The following ZMAT4 variants were observed in gnomAD, a reference collection of about 807,000 sequenced individuals.
ZMAT4 encodes the protein zinc finger matrin-type 4, also known as zinc finger matrin-type protein 4.
Under a neutral mutation model 28.7 loss-of-function variants are expected in ZMAT4, and 17 were observed. The observed-to-expected ratio is 0.59, with a 90% confidence interval of 0.41 to 0.89. The LOEUF (loss-of-function observed/expected upper bound fraction) is 0.89, where lower values mean the gene tolerates loss of function less well. Ranked by LOEUF, ZMAT4 falls within the 40% of genes least tolerant of loss-of-function variation. The probability of loss-of-function intolerance (pLI) is 0.00; values close to 1 mark genes in which losing one functional copy is unlikely to be tolerated. For missense variants in ZMAT4, 240 were observed against 283.8 expected, an observed-to-expected ratio of 0.85 and a Z score of 1.11; for synonymous variants, 117 against 109.2, an observed-to-expected ratio of 1.07 and a Z score of -0.44.
chr8:40,533,997 T>C (rs573373004), intron 6 of ZMAT4, among the ~76,000 whole-genome samples: 1 of 152,268 alleles, frequency 6.6e-6, no homozygotes, highest in South Asian at 2.1e-4. Flanking sequence ...GACAGCATCT[T>C]CACGTAACAG....
chr8:40,779,951 G>A (rs993408552), intron 2 of ZMAT4, among the ~76,000 whole-genome samples: 6 of 152,246 alleles, frequency 3.9e-5, no homozygotes, highest in Admixed American at 2.0e-4. Flanking sequence ...TTTGGCAGGG[G>A]CACTGCTCTA....
chr8:40,720,264 T>G (rs141443833), intron 3 of ZMAT4, among the ~76,000 whole-genome samples: 233 of 152,272 alleles, frequency 1.5e-3, no homozygotes, highest in African/African-American at 5.5e-3. Flanking sequence ...TATTATTGAG[T>G]ATGAATGTAA....
intron 6 of ZMAT4, among the ~76,000 whole-genome samples, chr8:40,545,582 A>G (rs1298808755): frequency 6.6e-6 from 1 of 152,136 alleles, no homozygotes; most frequent in Non-Finnish European, 1.5e-5. Context: ...AAAAGGACAA[A>G]TTTGGGCATA....
intron 5 of ZMAT4, among the ~76,000 whole-genome samples, chr8:40,646,915 A>T (rs1332268903): frequency 6.6e-6 from 1 of 152,258 alleles, no homozygotes; most frequent in Non-Finnish European, 1.5e-5. Context: ...TCTCAAGTGC[A>T]CATGAATCAT....
chr8:40,670,816 C>T (rs1808633696), intron 5 of ZMAT4, among the ~76,000 whole-genome samples: 1 of 151,742 alleles, frequency 6.6e-6, no homozygotes, highest in Admixed American at 6.6e-5. Flanking sequence ...CACCTGTAAT[C>T]CCAGCACTTT....
chr8:40,655,228 TAA>T lies in ZMAT4; in HGVS notation c.577+19474_577+19475del, dbSNP rs558071587. Among the ~76,000 whole-genome samples the T allele has an allele frequency of 2.3e-3, 346 of 152,184 alleles. 2 individuals are homozygous for T. The highest frequency in any genetic ancestry group is 8.1e-3 in the African/African-American group (335 of 41,536). ...GATAACAATTCCACTTGCAATTGTG[TAA>T]AAAAATTAGGAATAAGTTTAACAAA... is the stretch of plus-strand genomic sequence containing the variant. On this transcript the variant is annotated intron_variant, in intron 5 of 6. Coordinates refer to ENST00000297737, the MANE Select transcript of ZMAT4 (RefSeq NM_024645.3).
At chr8:40,693,894 C>T (rs1290267558) in intron 4 of ZMAT4, among the ~76,000 whole-genome samples, 1 of 152,202 alleles carries the variant, frequency 6.6e-6, no homozygotes, top group Non-Finnish European at 1.5e-5. Context: ...CCCAACTGCT[C>T]ACCCTCATCA....
chr8:40,585,645 G>C (rs549603136), intron 5 of ZMAT4, among the ~76,000 whole-genome samples: 1 of 152,184 alleles, frequency 6.6e-6, no homozygotes, highest in East Asian at 1.9e-4. Context: ...ATTTCACAGG[G>C]ATTCATGATT....
At position 40,622,964 on chromosome 8, in the gene ZMAT4, G is replaced by T. The variant is rs75336408; in HGVS notation, c.578-41703C>A. ...TCAGGAATTTAAGGCCAACTCAAGT[G>T]TTGTGAGTCCAAAAGGTTAGATAGT... On this transcript the variant is annotated intron_variant, in intron 5 of 6. Transcript: ENST00000297737. 8.7e-4 allele frequency among the ~76,000 whole-genome samples: 133 copies of T among 152,304 alleles called. 1 individual carries two copies. In the East Asian group the frequency reaches 0.02, roughly 23 times the overall value.
chr8:40,735,451 TAGTC>T (rs1811722893), intron 3 of ZMAT4, among the ~76,000 whole-genome samples: 1 of 152,200 alleles, frequency 6.6e-6, no homozygotes, highest in Admixed American at 6.5e-5. Flanking sequence ...CATAGAGTCA[TAGTC>T]AGTTATCTGA....
At chr8:40,840,121 A>C (rs1245188078) in intron 1 of ZMAT4, among the ~76,000 whole-genome samples, 1 of 152,198 alleles carries the variant, frequency 6.6e-6, no homozygotes, top group Non-Finnish European at 1.5e-5. Flanking sequence ...TGCCCTTTCA[A>C]GGAAGAAATG....
At chr8:40,635,045 G>T (rs1175985936) in intron 5 of ZMAT4, among the ~76,000 whole-genome samples, 2 of 152,028 alleles carry the variant, frequency 1.3e-5, no homozygotes, top group African/African-American at 4.8e-5. Flanking sequence ...CTTTTTAAAG[G>T]CAAAGACAGC....
rs572362397 is a variant in ZMAT4 at position 40,790,295 on chromosome 8, G to A, written c.103-22565C>T. 1.2e-3 allele frequency among the ~76,000 whole-genome samples: 186 copies of A among 152,222 alleles called. 1 individual carries two copies. Among genetic ancestry groups the A allele is most frequent in the African/African-American group, 4.3e-3 (177 of 41,526 alleles). ...ATTTTAAAAGCTTCTAGATCTAATTGGTAGGCTAACAATGGTTTTAAAAGC... is the reference window on the plus strand; with the variant it reads ...ATTTTAAAAGCTTCTAGATCTAATTAGTAGGCTAACAATGGTTTTAAAAGC... On this transcript the variant is annotated intron_variant, in intron 2 of 6. Coordinates refer to ENST00000297737, the MANE Select transcript of ZMAT4 (RefSeq NM_024645.3).
rs1802804109 is a variant in ZMAT4, at chr8:40,535,021, T to A, written c.675-2783A>T. ...TTTCTAAAACTAATGTAACTGAGTG[T>A]TAATAGGGACTTTTCATGGGGTCTC... On this transcript the variant is annotated intron_variant, in intron 6 of 6. Transcript: ENST00000297737. 2.0e-5 allele frequency among the ~76,000 whole-genome samples: 3 copies of A among 152,214 alleles called. No individual in the cohort carries two copies. The South Asian group carries it at 6.2e-4, about 32-fold the overall frequency.
At chr8:40,700,961 T>C (rs1014521794) in intron 3 of ZMAT4, among the ~76,000 whole-genome samples, 10 of 152,182 alleles carry the variant, frequency 6.6e-5, no homozygotes, top group East Asian at 3.9e-4. Context: ...TTCAAGTGTG[T>C]ACTGAATGAG....
At chr8:40,672,926 A>T (rs1195202221) in intron 5 of ZMAT4, among the ~76,000 whole-genome samples, 1 of 152,254 alleles carries the variant, frequency 6.6e-6, no homozygotes, top group African/African-American at 2.4e-5. Context: ...ACATACTGAA[A>T]TAGGAAGCAC....
At chr8:40,569,849 C>A (rs1804036490) in intron 6 of ZMAT4, among the ~76,000 whole-genome samples, 1 of 152,008 alleles carries the variant, frequency 6.6e-6, no homozygotes. Context: ...GAAGAAAGCA[C>A]TGGAGAAAAA....
Position 40,545,270 on chromosome 8 carries a change from C to A in ZMAT4, c.675-13032G>T, listed in dbSNP as rs150820729. On this transcript the variant is annotated intron_variant, in intron 6 of 6. Coordinates refer to ENST00000297737, the MANE Select transcript of ZMAT4 (RefSeq NM_024645.3). ...TCAGGAGAAGCTCAGAACTAGAGAC[C>A]AGAACCCAGTTACACTATGCTAGGC... is the stretch of plus-strand genomic sequence containing the variant. Among the ~76,000 whole-genome samples the A allele has an allele frequency of 4.1e-3, 617 of 152,202 alleles. 4 individuals carry two copies. The highest frequency in any genetic ancestry group is 0.014 in the African/African-American group (578 of 41,540).
At chr8:40,823,133 C>A (rs1289068324) in intron 2 of ZMAT4, among the ~76,000 whole-genome samples, 1 of 152,008 alleles carries the variant, frequency 6.6e-6, no homozygotes, top group African/African-American at 2.4e-5. Flanking sequence ...TTTCACACAC[C>A]CACCCCCTCC....
Sources: allele counts gnomAD v4.1 joint callset (sites outside exome capture counted in the v4.1 genomes callset), GRCh38; gene constraint gnomAD v4.1.1; transcripts MANE v1.5; gene names NCBI Gene and HGNC (gene_info 2026-07-23, HGNC 2026-07-21).